Variants in KALRN observed in about 807,000 individuals in gnomAD.
KALRN encodes the protein kalirin.
A neutral mutation model predicts 353.7 loss-of-function variants in KALRN; 70 were observed. The observed-to-expected ratio is 0.20, with a 90% CI of 0.16 to 0.24. The LOEUF is 0.24. Ranked by LOEUF, KALRN falls within the 10% of genes least tolerant of loss-of-function variation. The probability of loss-of-function intolerance (pLI) is 1.00; values close to 1 mark genes in which losing one functional copy is unlikely to be tolerated. For missense variants in KALRN, 2,791 were observed against 3,756.7 expected (o/e 0.74, Z 6.72); for synonymous variants, 1,391 against 1,434.8 (o/e 0.97, Z 0.69).
intron 5 of KALRN, among the ~76,000 whole-genome samples, chr3:124,294,139 A>G (rs1178960905): frequency 6.6e-6 from 1 of 152,026 alleles, no homozygotes; most frequent in Non-Finnish European, 1.5e-5. Context: ...ATAGAGTACC[A>G]TCTGGGGTAA....
intron 42 of KALRN, among the ~76,000 whole-genome samples, chr3:124,659,002 T>C (rs113817646): frequency 0.012 from 1,811 of 152,306 alleles, 29 homozygotes; most frequent in African/African-American, 0.04. Context: ...GATCTAAGTT[T>C]AGGGCCTGGC....
At chr3:124,625,364 A>G (rs1376835651) in intron 34 of KALRN, among the ~76,000 whole-genome samples, 1 of 152,188 alleles carries the variant, frequency 6.6e-6, no homozygotes, top group Non-Finnish European at 1.5e-5. Context: ...CCACAGTGAG[A>G]TGAGCCCAGA....
rs188408193 is a variant in KALRN at position 124,513,240 on chromosome 3, G to A, written c.4935+16827G>A. Among the ~76,000 whole-genome samples the A allele has an allele frequency of 2.1e-4, 32 of 152,278 alleles. No individual in the cohort carries two copies. The East Asian group carries it at 5.2e-3, about 25-fold the overall frequency. ...TCTTGAAGGTTTACCCCAAAACCCCGCAGTCTAGAGACCTGTGGAAAAGGT... is the reference window on the plus strand; with the variant it reads ...TCTTGAAGGTTTACCCCAAAACCCCACAGTCTAGAGACCTGTGGAAAAGGT... On this transcript the variant is annotated intron_variant, in intron 33 of 59. Transcript: ENST00000682506.
At chr3:124,492,958 C>T in intron 32 of KALRN, 76 bp downstream of exon 32, 1 of 1,543,528 alleles carries the variant, frequency 6.5e-7, no homozygotes, top group Non-Finnish European at 8.8e-7. Context: ...ATCTTTGCTT[C>T]TGAAGGGGGA....
intron 1 of KALRN, among the ~76,000 whole-genome samples, chr3:124,069,815 GGGAGTTAGGGAAT>G (rs1291836410): frequency 2.6e-5 from 4 of 152,140 alleles, no homozygotes; most frequent in Non-Finnish European, 5.9e-5. Flanking sequence ...CTTTGCCTGG[GGGAGTTAGGGAAT>G]GGTTTGTAGA....
intron 34 of KALRN, among the ~76,000 whole-genome samples, chr3:124,613,470 A>G (rs531115725): frequency 3.0e-4 from 45 of 152,298 alleles, no homozygotes; most frequent in African/African-American, 1.1e-3. Flanking sequence ...ACAGGGCAAG[A>G]TATCAGTTTG....
intron 28 of KALRN, among the ~76,000 whole-genome samples, chr3:124,484,897 A>G (rs2062384524): frequency 6.6e-6 from 1 of 152,186 alleles, no homozygotes; most frequent in Admixed American, 6.5e-5. Flanking sequence ...TGAGGTCAAG[A>G]GTTCAAGACC....
At chr3:124,315,096 T>G (rs1315580807) in intron 6 of KALRN, among the ~76,000 whole-genome samples, 3 of 152,290 alleles carry the variant, frequency 2.0e-5, no homozygotes, top group South Asian at 4.1e-4. Flanking sequence ...GAGATCACAT[T>G]TCAACATGAG....
chr3:124,435,515 AGT>A (rs2093430046), intron 17 of KALRN, among the ~76,000 whole-genome samples: 1 of 152,236 alleles, frequency 6.6e-6, no homozygotes, highest in African/African-American at 2.4e-5. Context: ...AATTTTACTC[AGT>A]GTATAGTAGT....
At chr3:124,322,454 A>G (rs1354049075) in intron 6 of KALRN, among the ~76,000 whole-genome samples, 1 of 152,178 alleles carries the variant, frequency 6.6e-6, no homozygotes, top group Admixed American at 6.5e-5. Flanking sequence ...AGCTCTGCAG[A>G]TGGAAAGGCA....
At chr3:124,158,897 C>T (rs527787824) in intron 1 of KALRN, among the ~76,000 whole-genome samples, 1 of 152,326 alleles carries the variant, frequency 6.6e-6, no homozygotes, top group East Asian at 1.9e-4. Context: ...CACACCCAAC[C>T]AGATCTGGCT....
intron 5 of KALRN, among the ~76,000 whole-genome samples, chr3:124,283,178 A>G (rs969119657): frequency 2.0e-5 from 3 of 152,238 alleles, no homozygotes; most frequent in East Asian, 1.9e-4. Flanking sequence ...AGATGAGAAC[A>G]TCCAACAGAC....
chr3:124,213,398 A>G (rs1219272693), intron 1 of KALRN, among the ~76,000 whole-genome samples: 1 of 152,098 alleles, frequency 6.6e-6, no homozygotes, highest in Non-Finnish European at 1.5e-5. Context: ...TTCAGGCTCC[A>G]TTGATTGTAT....
intron 1 of KALRN, among the ~76,000 whole-genome samples, chr3:124,157,968 C>T (rs1308611911): frequency 6.6e-6 from 1 of 152,184 alleles, no homozygotes; most frequent in Non-Finnish European, 1.5e-5. Flanking sequence ...GAGTACAGAG[C>T]ACTGTTAAGG....
At chr3:124,382,391 A>G (rs954064301) in intron 10 of KALRN, among the ~76,000 whole-genome samples, 17 of 152,070 alleles carry the variant, frequency 1.1e-4, no homozygotes, top group African/African-American at 4.1e-4. Context: ...AATGATTTTA[A>G]TTCTTCTTTG....
chr3:124,523,330 A>C (rs2067313968), intron 33 of KALRN, among the ~76,000 whole-genome samples: 1 of 152,236 alleles, frequency 6.6e-6, no homozygotes, highest in South Asian at 2.1e-4. Context: ...CACTTGCTGC[A>C]AGTAGATTAT....
At chr3:124,710,496 G>A (rs1286525437) in intron 57 of KALRN, among the ~76,000 whole-genome samples, 2 of 152,170 alleles carry the variant, frequency 1.3e-5, no homozygotes, top group Non-Finnish European at 2.9e-5. Flanking sequence ...ATATTAAACT[G>A]CCTCTCAGGC....
At chr3:124,092,568 A>T (rs1044809884) in intron 1 of KALRN, among the ~76,000 whole-genome samples, 1 of 152,204 alleles carries the variant, frequency 6.6e-6, no homozygotes, top group Admixed American at 6.5e-5. Context: ...GGCCTCCCTC[A>T]GGGTTCCTGT....
chr3:124,698,491 A>G (rs2062167713), intron 55 of KALRN, among the ~76,000 whole-genome samples: 1 of 152,222 alleles, frequency 6.6e-6, no homozygotes. Flanking sequence ...TTTATGACCC[A>G]GGGCAGGTTT....
Sources: gnomAD v4.1 joint callset for allele counts (sites outside exome capture counted in the v4.1 genomes callset) on GRCh38, gnomAD v4.1.1 for gene constraint, MANE v1.5 for transcripts, NCBI Gene and HGNC (gene_info 2026-07-23, HGNC 2026-07-21) for gene names.